BASP1: variants seen among roughly 807,000 people sequenced by gnomAD.
BASP1 encodes brain abundant membrane attached signal protein 1.
BASP1 carries 1 observed loss-of-function variant against 2.2 expected under a neutral mutation model. The observed-to-expected ratio is 0.46, with a 90% confidence interval of 0.16 to 2.17. BASP1 has a LOEUF of 2.17. Ranked by LOEUF, BASP1 falls within the 30% of genes most tolerant of loss-of-function variation. The probability of loss-of-function intolerance (pLI) is 0.27; values close to 1 mark genes in which losing one functional copy is unlikely to be tolerated. For missense variants in BASP1, 352 were observed against 327.2 expected (o/e 1.08, Z -0.58); for synonymous variants, 187 against 154.2 (o/e 1.21, Z -1.58).
chr5:17,246,059 G>T (rs1470282799), intron 1 of BASP1, among the ~76,000 whole-genome samples: 3 of 152,126 alleles, frequency 2.0e-5, no homozygotes, highest in Non-Finnish European at 4.4e-5. Context: ...ATTGGAGAAG[G>T]TTTCTCTGGG....
intron 1 of BASP1, among the ~76,000 whole-genome samples, chr5:17,261,645 C>T (rs1056907602): frequency 2.6e-5 from 4 of 152,306 alleles, no homozygotes; most frequent in Non-Finnish European, 5.9e-5. Flanking sequence ...ACAAAGTGTT[C>T]CACTTCAGCA....
intron 1 of BASP1, among the ~76,000 whole-genome samples, chr5:17,253,646 T>C (rs1376314005): frequency 6.6e-6 from 1 of 152,230 alleles, no homozygotes; most frequent in Non-Finnish European, 1.5e-5. Flanking sequence ...ATCATGGTCC[T>C]TCCCAATCTC....
intron 1 of BASP1, among the ~76,000 whole-genome samples, chr5:17,273,275 A>T (rs576496604): frequency 6.6e-6 from 1 of 152,320 alleles, no homozygotes; most frequent in Admixed American, 6.5e-5. Flanking sequence ...ATAGGATGAA[A>T]GTATATTTAA....
intron 1 of BASP1, among the ~76,000 whole-genome samples, chr5:17,243,249 A>G (rs1314075337): frequency 6.6e-6 from 1 of 151,938 alleles, no homozygotes; most frequent in Non-Finnish European, 1.5e-5. Flanking sequence ...TCTGGGTTCA[A>G]GCAATTCTTG....
At chr5:17,266,327 A>C (rs552644360) in intron 1 of BASP1, among the ~76,000 whole-genome samples, 111 of 152,234 alleles carry the variant, frequency 7.3e-4, no homozygotes, top group Non-Finnish European at 1.2e-3. Flanking sequence ...GAATTTATTC[A>C]AAATGAGAGG....
At chr5:17,220,325 C>G (rs987775799) in intron 1 of BASP1, among the ~76,000 whole-genome samples, 7 of 152,056 alleles carry the variant, frequency 4.6e-5, no homozygotes, top group African/African-American at 1.7e-4. Flanking sequence ...ATTTAGAGAG[C>G]TACGTTCTTT....
chr5:17,248,121 A>G (rs1469047435), intron 1 of BASP1, among the ~76,000 whole-genome samples: 2 of 152,202 alleles, frequency 1.3e-5, no homozygotes, highest in African/African-American at 2.4e-5. Context: ...ATTCTAGTAA[A>G]TATCTTTTCA....
At chr5:17,218,608 G>A (rs1374146721) in intron 1 of BASP1, among the ~76,000 whole-genome samples, 1 of 151,876 alleles carries the variant, frequency 6.6e-6, no homozygotes, top group Non-Finnish European at 1.5e-5. Flanking sequence ...GCCCGGGCCC[G>A]GGGGGTGTGG....
chr5:17,245,307 CA>C (rs761635722), intron 1 of BASP1, among the ~76,000 whole-genome samples: 3,898 of 72,758 alleles, frequency 0.054, 110 homozygotes, highest in African/African-American at 0.14. Flanking sequence ...GACTCCGTCT[CA>C]AAAAAAAAAA....
intron 1 of BASP1, among the ~76,000 whole-genome samples, chr5:17,234,963 T>G (rs148818939): frequency 2.0e-5 from 3 of 152,310 alleles, no homozygotes; most frequent in Non-Finnish European, 4.4e-5. Context: ...TCGATTACAT[T>G]TAGTTTAAAG....
chr5:17,272,125 T>G, intron 1 of BASP1, among the ~76,000 whole-genome samples: 1 of 151,504 alleles, frequency 6.6e-6, no homozygotes, highest in Non-Finnish European at 1.5e-5. Context: ...TTAAACTGTA[T>G]GCTCATTGCT....
chr5:17,256,683 G>A (rs1473932025), intron 1 of BASP1, among the ~76,000 whole-genome samples: 5 of 152,102 alleles, frequency 3.3e-5, no homozygotes, highest in African/African-American at 1.2e-4. Flanking sequence ...AACAGAAATC[G>A]TTTAAAAATT....
chr5:17,240,685 A>G (rs1739844774), intron 1 of BASP1: 1 of 152,242 alleles, frequency 6.6e-6, no homozygotes, highest in Admixed American at 6.5e-5. Context: ...CAAGAATGAC[A>G]GTGCAAATTT....
chr5:17,246,004 GA>G (rs1342342154), intron 1 of BASP1, among the ~76,000 whole-genome samples: 1 of 151,904 alleles, frequency 6.6e-6, no homozygotes, highest in South Asian at 2.1e-4. Flanking sequence ...CCAGGAAAAA[GA>G]AAAAAACACC....
At chr5:17,265,776 A>G (rs1401385049) in intron 1 of BASP1, among the ~76,000 whole-genome samples, 2 of 152,244 alleles carry the variant, frequency 1.3e-5, no homozygotes, top group Non-Finnish European at 2.9e-5. Flanking sequence ...TTGCAAAGCT[A>G]TTAGAACAAC....
chr5:17,248,935 C>T (rs1159316556), intron 1 of BASP1, among the ~76,000 whole-genome samples: 3 of 152,152 alleles, frequency 2.0e-5, no homozygotes, highest in African/African-American at 7.2e-5. Context: ...AGGCCCTGCT[C>T]CATGTCATAG....
upstream of BASP1, chr5:17,217,073 A>AGAGAGAGAGAGTGTGT (rs1739260461): frequency 1.2e-5 from 1 of 86,596 alleles, no homozygotes; most frequent in Non-Finnish European, 2.3e-5. Context: ...AGAGAGAGTG[A>AGAGAGAGAGAGTGTGT]GAGAGAGAGA....
rs1280299535 is a variant in BASP1, at chr5:17,275,213, C to T, written c.-4C>T. ...TGTTTTGTGTTTGCTTCCAGAACTC[C>T]AAGATGGGAGGCAAGCTCAGCAAGA... On this transcript the variant is annotated 5_prime_UTR_variant, in exon 2 of 2. Coordinates refer to ENST00000322611, the MANE Select transcript of BASP1 (RefSeq NM_006317.5). The surrounding 1 kb of genome is among the most constrained non-coding windows in gnomAD (Gnocchi z 5.3). 4 of 1,613,176 alleles carry T rather than the reference C, an allele frequency of 2.5e-6. No homozygotes were observed. Among genetic ancestry groups the T allele is most frequent in the African/African-American group, 1.3e-5 (1 of 74,816 alleles).
chr5:17,262,670 C>T (rs751467907), intron 1 of BASP1, among the ~76,000 whole-genome samples: 1 of 152,278 alleles, frequency 6.6e-6, no homozygotes, highest in East Asian at 1.9e-4. Context: ...CTCAACTAAT[C>T]GTCATCTCTT....
Sources: allele counts gnomAD v4.1 joint callset (sites outside exome capture counted in the v4.1 genomes callset), GRCh38; gene constraint gnomAD v4.1.1; non-coding constraint Gnocchi (gnomAD v3.1); transcripts MANE v1.5; gene names NCBI Gene and HGNC (gene_info 2026-07-23, HGNC 2026-07-21).